ABHD12: variants seen among roughly 807,000 people sequenced by gnomAD.
ABHD12 encodes the protein abhydrolase domain containing 12, lysophospholipase.
ABHD12 carries 43 observed loss-of-function variants against 58.3 expected under a neutral mutation model. The observed-to-expected ratio is 0.74, with a 90% confidence interval of 0.58 to 0.95. The LOEUF is 0.95. ABHD12 is among the 40% of genes least tolerant of loss of function. The pLI is 0.00. For synonymous variants in ABHD12, 219 were observed against 211.2 expected (o/e 1.04, Z -0.32); for missense variants, 539 against 537.2 (o/e 1.00, Z -0.03).
intron 2 of ABHD12, among the ~76,000 whole-genome samples, chr20:25,325,500 T>C (rs1374758194): frequency 1.3e-5 from 2 of 152,272 alleles, no homozygotes; most frequent in East Asian, 3.9e-4. Flanking sequence ...ACATGACTGG[T>C]ATCCTTATAA....
intron 1 of ABHD12, among the ~76,000 whole-genome samples, chr20:25,366,190 T>G (rs2089818596): frequency 6.6e-6 from 1 of 152,220 alleles, no homozygotes; most frequent in South Asian, 2.1e-4. Context: ...TCTTTACCTA[T>G]GAGTTGCAAA....
intron 1 of ABHD12, chr20:25,368,550 C>T (rs2089855577): frequency 7.0e-7 from 1 of 1,420,216 alleles, no homozygotes; most frequent in East Asian, 2.3e-5. Context: ...GACTTGCCAC[C>T]AGTGCCATTA....
intron 3 of ABHD12, among the ~76,000 whole-genome samples, chr20:25,321,781 C>G (rs1033447614): frequency 6.6e-6 from 1 of 152,218 alleles, no homozygotes; most frequent in Non-Finnish European, 1.5e-5. Context: ...ATGCTTCAGA[C>G]AGAAACCTGA....
At chr20:25,350,857 T>C (rs537111238) in intron 1 of ABHD12, among the ~76,000 whole-genome samples, 6 of 152,154 alleles carry the variant, frequency 3.9e-5, no homozygotes, top group Non-Finnish European at 7.4e-5. Flanking sequence ...CCTCCTGCTC[T>C]GGGAAGATCT....
At chr20:25,336,088 A>G (rs1168017091) in intron 2 of ABHD12, among the ~76,000 whole-genome samples, 1 of 152,238 alleles carries the variant, frequency 6.6e-6, no homozygotes, top group African/African-American at 2.4e-5. Context: ...TCTGAAGGCA[A>G]ATAACGGCTG....
Position 25,323,411 on chromosome 20 carries a change from A to G in ABHD12, c.336T>C (p.Ile112=), listed in dbSNP as rs778229730. The G allele has an allele frequency of 1.2e-6, 2 of 1,610,888 alleles. No individual in the cohort carries two copies. Among genetic ancestry groups the G allele is most frequent in the South Asian group, 2.2e-5 (2 of 91,020 alleles). ...FLNFVRVPYF[I]DLKKPQDQGL... is the part of the protein sequence containing the mutation. Reference sequence around the variant, plus strand: ...CTTGATCCTGTGGTTTTTTCAAATCAATGAAATAGGGAACTCTTACTGTAG... The same window carrying G: ...CTTGATCCTGTGGTTTTTTCAAATCGATGAAATAGGGAACTCTTACTGTAG... The change falls in exon 3 of 13, where the codon ATT becomes ATC. Residue 112 remains isoleucine, a synonymous_variant. Coordinates refer to ENST00000339157, the MANE Select transcript of ABHD12 (RefSeq NM_001042472.3).
rs2089329529 is a variant in ABHD12 at position 25,334,478 on chromosome 20, A to T, written c.316+4749T>A. 3.9e-5 allele frequency among the ~76,000 whole-genome samples: 6 copies of T among 152,158 alleles called. No individual in the cohort carries two copies. The South Asian group carries it at 1.2e-3, about 31-fold the overall frequency. On this transcript the variant is annotated intron_variant, in intron 2 of 12. Coordinates refer to ENST00000339157, the MANE Select transcript of ABHD12 (RefSeq NM_001042472.3). ...ACTTTAAAGTTCATACGGAACCAAA[A>T]AAGAGCCTGCATCGCCAAGTCAATC...
chr20:25,346,403 T>C (rs745436432), intron 1 of ABHD12, among the ~76,000 whole-genome samples: 12 of 152,214 alleles, frequency 7.9e-5, no homozygotes, highest in Non-Finnish European at 1.3e-4. Flanking sequence ...ATAAGTATTA[T>C]ACATTTGTCG....
chr20:25,332,019 TAAAG>T (rs2089285125), intron 2 of ABHD12, among the ~76,000 whole-genome samples: 1 of 152,056 alleles, frequency 6.6e-6, no homozygotes, highest in African/African-American at 2.4e-5. Flanking sequence ...GCAAATTGGA[TAAAG>T]AGTCAAGACC....
intron 1 of ABHD12, among the ~76,000 whole-genome samples, chr20:25,382,241 T>G (rs1345988621): frequency 6.6e-6 from 1 of 152,082 alleles, no homozygotes; most frequent in African/African-American, 2.4e-5. Flanking sequence ...GAGGCCTAAA[T>G]GAGAAGTCTT....
intron 5 of ABHD12, 38 bp from the exon 6 acceptor site, chr20:25,315,008 C>A (rs1442645329): frequency 6.2e-7 from 1 of 1,612,254 alleles, no homozygotes; most frequent in Non-Finnish European, 8.5e-7. Context: ...GCAACAAATC[C>A]AAGCATCTGT....
chr20:25,344,713 A>C (rs1025565314), intron 1 of ABHD12, among the ~76,000 whole-genome samples: 1 of 152,256 alleles, frequency 6.6e-6, no homozygotes, highest in Non-Finnish European at 1.5e-5. Context: ...ACAGCATTAA[A>C]GGAGAAGAAC....
At chr20:25,322,371 A>ATTTT in intron 3 of ABHD12, among the ~76,000 whole-genome samples, 1 of 47,976 alleles carries the variant, frequency 2.1e-5, no homozygotes, top group Non-Finnish European at 4.0e-5. Flanking sequence ...AGATATATAT[A>ATTTT]TATATATATA....
At chr20:25,304,065 T>C (rs1011121203) in intron 10 of ABHD12, among the ~76,000 whole-genome samples, 1 of 152,254 alleles carries the variant, frequency 6.6e-6, no homozygotes, top group African/African-American at 2.4e-5. Flanking sequence ...GGATTTTCAG[T>C]AGGTTTGATA....
At position 25,390,817 on chromosome 20, in the gene ABHD12, T is replaced by A. The variant is rs2090167473; in HGVS notation, c.-114A>T. On this transcript the variant is annotated 5_prime_UTR_variant, in exon 1 of 13. An upstream start codon of the reference 5' UTR is lost. Transcript: ENST00000339157. ...AGCCCGGAACCCGCCGCTCCTCACA[T>A]CCCAGCCCAGGCCGCTGCGCCGGCT... 1 of 663,870 alleles carries A rather than the reference T, an allele frequency of 1.5e-6. No individual in the cohort carries two copies. The highest frequency in any genetic ancestry group is 4.6e-5 in the East Asian group (1 of 21,974). 41.1% of individuals were successfully genotyped at this position (663,870 alleles called of 1,614,324 possible).
intron 5 of ABHD12, among the ~76,000 whole-genome samples, chr20:25,316,212 T>G (rs1307218060): frequency 6.6e-6 from 1 of 152,102 alleles, no homozygotes; most frequent in African/African-American, 2.4e-5. Context: ...CAGGCTAGAG[T>G]GCAGTGGTGC....
intron 1 of ABHD12, among the ~76,000 whole-genome samples, chr20:25,351,844 T>C (rs1319116836): frequency 2.0e-5 from 3 of 151,964 alleles, no homozygotes; most frequent in Non-Finnish European, 4.4e-5. Context: ...GAGGTTGAGG[T>C]GAGCTGAGAT....
At chr20:25,375,319 A>G (rs962152517) in intron 1 of ABHD12, among the ~76,000 whole-genome samples, 2 of 152,144 alleles carry the variant, frequency 1.3e-5, no homozygotes, top group Admixed American at 1.3e-4. Flanking sequence ...ATTTCCCACT[A>G]CTGAAGCATG....
At chr20:25,390,484 C>A in intron 1 of ABHD12, 29 bp downstream of exon 1, 8 of 1,229,868 alleles carry the variant, frequency 6.5e-6, no homozygotes, top group South Asian at 3.3e-5. Context: ...CCGGCCCCCC[C>A]CCCCCCCCCG....
Sources: gnomAD v4.1 joint callset for allele counts (sites outside exome capture counted in the v4.1 genomes callset) on GRCh38, gnomAD v4.1.1 for gene constraint, MANE v1.5 for transcripts, NCBI Gene and HGNC (gene_info 2026-07-23, HGNC 2026-07-21) for gene names.